The following GRID2 variants were observed in gnomAD, a reference collection of about 807,000 sequenced individuals.
GRID2 encodes the protein glutamate receptor ionotropic, delta-2.
In GRID2, 33 loss-of-function variants were observed where a neutral mutation model predicts 114.8. The ratio of observed to expected loss-of-function variants is 0.29; its 90% CI spans 0.22 to 0.38. The LOEUF (loss-of-function observed/expected upper bound fraction) is 0.38. Among genes scored for constraint, GRID2 ranks in the 10% least tolerant of loss-of-function variants. GRID2 has a pLI of 1.00. For missense variants in GRID2, 1,184 were observed against 1,257.7 expected (o/e 0.94, Z 0.89); for synonymous variants, 505 against 449.9 (o/e 1.12, Z -1.55).
At chr4:92,459,593 T>C (rs1389573291) in intron 1 of GRID2, among the ~76,000 whole-genome samples, 2 of 152,296 alleles carry the variant, frequency 1.3e-5, no homozygotes, top group Non-Finnish European at 1.5e-5. Flanking sequence ...TACCTTTCTT[T>C]AAACTTTGAG....
chr4:93,068,402 A>G (rs531511549), intron 2 of GRID2, among the ~76,000 whole-genome samples: 2 of 152,218 alleles, frequency 1.3e-5, no homozygotes, highest in African/African-American at 4.8e-5. Flanking sequence ...CTTTGAAATG[A>G]AATTTTCAGA....
chr4:92,582,159 A>C (rs561264479), intron 1 of GRID2, among the ~76,000 whole-genome samples: 1 of 152,098 alleles, frequency 6.6e-6, no homozygotes, highest in African/African-American at 2.4e-5. Context: ...GTAAATTATC[A>C]ATGTTCCTTA....
At position 92,709,587 on chromosome 4, in the gene GRID2, A is replaced by T. The variant is rs867236960; in HGVS notation, c.244+119301A>T. Among the ~76,000 whole-genome samples the T allele has an allele frequency of 8.1e-3, 971 of 119,658 alleles. 11 individuals carry two copies. Among genetic ancestry groups the T allele is most frequent in the African/African-American group, 0.028 (848 of 29,930 alleles). 78.5% of individuals were successfully genotyped at this position (119,658 alleles called of 152,430 possible). A position where few individuals can be genotyped will look rare whatever the true frequency, so the allele number is the denominator to read the frequency against. On this transcript the variant is annotated intron_variant, in intron 2 of 15. Transcript: ENST00000282020. ...ATAGTGTAGAGAAAAAAAAAAAAAA[A>T]AAATATATATATATATATATATGTA...
At chr4:93,150,676 T>C (rs1372782219) in intron 4 of GRID2, among the ~76,000 whole-genome samples, 1 of 151,832 alleles carries the variant, frequency 6.6e-6, no homozygotes, top group East Asian at 1.9e-4. Context: ...AGTGTCTGTG[T>C]CCTCTCTGAA....
chr4:92,503,317 T>G (rs778357890), intron 1 of GRID2, among the ~76,000 whole-genome samples: 10 of 152,078 alleles, frequency 6.6e-5, no homozygotes, highest in Non-Finnish European at 1.5e-4. Context: ...TTATGTAAAA[T>G]TAGTTTACTA....
chr4:93,448,328 T>C (rs975901263), intron 10 of GRID2, among the ~76,000 whole-genome samples: 1 of 151,742 alleles, frequency 6.6e-6, no homozygotes, highest in African/African-American at 2.4e-5. Flanking sequence ...TTCTAGATAG[T>C]AAAAGAAAAA....
At chr4:93,273,059 A>G (rs545972864) in intron 8 of GRID2, among the ~76,000 whole-genome samples, 35 of 152,216 alleles carry the variant, frequency 2.3e-4, no homozygotes, top group Non-Finnish European at 4.3e-4. Flanking sequence ...CTATCACTGA[A>G]TGCTATTTAT....
chr4:93,348,159 A>T (rs1457135234), intron 8 of GRID2, among the ~76,000 whole-genome samples: 2 of 152,148 alleles, frequency 1.3e-5, no homozygotes, highest in African/African-American at 2.4e-5. Flanking sequence ...AAAATTTTCT[A>T]ACCATATATC....
At chr4:93,608,519 A>T (rs1291863300) in intron 13 of GRID2, among the ~76,000 whole-genome samples, 1 of 144,762 alleles carries the variant, frequency 6.9e-6, no homozygotes, top group African/African-American at 2.6e-5. Flanking sequence ...TGTCCATGTG[A>T]TCTCATTGTT....
At chr4:93,302,620 C>T (rs1335244391) in intron 8 of GRID2, 1 of 456,004 alleles carries the variant, frequency 2.2e-6, no homozygotes, top group Admixed American at 2.4e-5. Flanking sequence ...CATTCATATA[C>T]ATTCATCTTC....
intron 2 of GRID2, chr4:92,822,513 G>C: frequency 8.1e-6 from 3 of 372,296 alleles, no homozygotes; most frequent in South Asian, 6.6e-5. Flanking sequence ...CAGTGTATTT[G>C]TATATACTCA....
chr4:92,963,540 G>T lies in GRID2; in HGVS notation c.245-121455G>T, dbSNP rs550869706. 1.4e-3 allele frequency among the ~76,000 whole-genome samples: 209 copies of T among 151,932 alleles called. 1 individual carries two copies. Among genetic ancestry groups the T allele is most frequent in the African/African-American group, 4.8e-3 (201 of 41,480 alleles). On this transcript the variant is annotated intron_variant, in intron 2 of 15. Coordinates refer to ENST00000282020, the MANE Select transcript of GRID2 (RefSeq NM_001510.4). ...TTTATTGTCAGATTGTAGCAATTTG[G>T]TCACATCTTCAGGCTCTACTTCTAA...
At chr4:93,601,308 G>C (rs1739655554) in intron 13 of GRID2, among the ~76,000 whole-genome samples, 1 of 152,090 alleles carries the variant, frequency 6.6e-6, no homozygotes, top group South Asian at 2.1e-4. Context: ...CCTACTCAAG[G>C]AAGTTCCTGA....
intron 1 of GRID2, among the ~76,000 whole-genome samples, chr4:92,349,880 A>T (rs1483728053): frequency 6.6e-6 from 1 of 151,922 alleles, no homozygotes; most frequent in Non-Finnish European, 1.5e-5. Context: ...AACCACATCA[A>T]GGTAAATAAA....
intron 1 of GRID2, among the ~76,000 whole-genome samples, chr4:92,569,426 T>A (rs368281114): frequency 6.6e-6 from 1 of 152,160 alleles, no homozygotes; most frequent in South Asian, 2.1e-4. Flanking sequence ...AGTGCTGTAA[T>A]AAACATTCAC....
intron 14 of GRID2, among the ~76,000 whole-genome samples, chr4:93,627,672 C>A (rs1190935103): frequency 6.6e-6 from 1 of 152,208 alleles, no homozygotes; most frequent in African/African-American, 2.4e-5. Flanking sequence ...GCTGAAGAAG[C>A]CGACCTAACA....
intron 1 of GRID2, among the ~76,000 whole-genome samples, chr4:92,453,655 G>A (rs1034577667): frequency 3.3e-5 from 5 of 152,054 alleles, no homozygotes; most frequent in South Asian, 2.1e-4. Context: ...AAAAAGATGC[G>A]TAATATTACC....
intron 2 of GRID2, among the ~76,000 whole-genome samples, chr4:92,603,281 C>G (rs1729308074): frequency 6.6e-6 from 1 of 152,106 alleles, no homozygotes; most frequent in Admixed American, 6.6e-5. Context: ...AGCCATCACA[C>G]TACCTGACTT....
chr4:93,693,589 T>A (rs13124851), intron 14 of GRID2, among the ~76,000 whole-genome samples: 2 of 152,206 alleles, frequency 1.3e-5, no homozygotes, highest in African/African-American at 2.4e-5. Context: ...AATGTTACTG[T>A]TCTGAGCATG....
Sources: gnomAD v4.1 joint callset for allele counts (sites outside exome capture counted in the v4.1 genomes callset) on GRCh38, gnomAD v4.1.1 for gene constraint, MANE v1.5 for transcripts, NCBI Gene and HGNC (gene_info 2026-07-23, HGNC 2026-07-21) for gene names.